The following ISCA1 variants were observed in gnomAD, a reference collection of about 807,000 sequenced individuals.
ISCA1 encodes the protein iron-sulfur cluster assembly 1 homolog, mitochondrial.
In ISCA1, 9 loss-of-function variants were observed where a neutral mutation model predicts 14.7. The observed-to-expected ratio is 0.61, with a 90% confidence interval of 0.37 to 1.07. ISCA1 has a LOEUF of 1.07. Ranked by LOEUF, ISCA1 falls within the 50% of genes least tolerant of loss-of-function variation. ISCA1 has a pLI of 0.01. For synonymous variants in ISCA1, 38 were observed against 54.3 expected, an observed-to-expected ratio of 0.70 and a Z score of 1.32; for missense variants, 102 against 150.1, an observed-to-expected ratio of 0.68 and a Z score of 1.67.
chr9:86,271,722 T>C (rs1476704219), intron 3 of ISCA1, among the ~76,000 whole-genome samples: 4 of 152,184 alleles, frequency 2.6e-5, no homozygotes, highest in Non-Finnish European at 5.9e-5. Context: ...CTAAGAGCAG[T>C]CTCTGGAAAG....
Position 86,265,728 on chromosome 9 carries a change from C to A in ISCA1, c.*315G>T. ...GAGAAATGCTGAGGGATGATCAAGC[C>A]ATCAATAGCGATCTAAGGAGTGCAC... On this transcript the variant is annotated 3_prime_UTR_variant, in exon 4 of 4. Coordinates refer to ENST00000375991, the MANE Select transcript of ISCA1 (RefSeq NM_030940.4). 2.8e-6 allele frequency: 1 copy of A among 357,582 alleles called. No individual in the cohort carries two copies. The allele number at this position is 357,582 out of a possible 1,614,324, so 22.2% of individuals were successfully genotyped here.
intron 2 of ISCA1, among the ~76,000 whole-genome samples, chr9:86,273,819 G>A (rs1297692096): frequency 2.0e-5 from 3 of 152,096 alleles, no homozygotes; most frequent in Admixed American, 2.0e-4. Flanking sequence ...GCAAAGAGGG[G>A]GTACTACTGG....
intron 3 of ISCA1, among the ~76,000 whole-genome samples, chr9:86,271,286 G>A (rs551723422): frequency 1.3e-5 from 2 of 152,164 alleles, no homozygotes; most frequent in Admixed American, 1.3e-4. Context: ...CTAGGTTTGT[G>A]TAAGTACACC....
intron 3 of ISCA1, among the ~76,000 whole-genome samples, chr9:86,271,789 TTTC>T (rs1227100245): frequency 2.0e-5 from 3 of 152,166 alleles, no homozygotes; most frequent in Non-Finnish European, 2.9e-5. Context: ...TGTGCCTCAG[TTTC>T]TTCATCAGAA....
chr9:86,269,863 T>C (rs1036954657), intron 3 of ISCA1, among the ~76,000 whole-genome samples: 118 of 152,298 alleles, frequency 7.7e-4, no homozygotes, highest in Non-Finnish European at 1.2e-3. Context: ...ATTTAATAAA[T>C]GGTGCTGGGA....
At chr9:86,266,450 G>T (rs546469271) in intron 3 of ISCA1, among the ~76,000 whole-genome samples, 1 of 152,164 alleles carries the variant, frequency 6.6e-6, no homozygotes, top group East Asian at 1.9e-4. Flanking sequence ...TGCAAAATTA[G>T]AATTTACCTT....
chr9:86,280,357 G>C (rs1825494324), intron 1 of ISCA1, among the ~76,000 whole-genome samples: 1 of 151,990 alleles, frequency 6.6e-6, no homozygotes, highest in African/African-American at 2.4e-5. Flanking sequence ...AGGCTGAGAC[G>C]AGTGGATCAC....
Position 86,265,917 on chromosome 9 carries a change from C to T in ISCA1, c.*126G>A. ...ATATCATTTCTTCTGGAATCCAACA[C>T]ACTGGATTCATTTTCAAGATGTATC... On this transcript the variant is annotated 3_prime_UTR_variant, in exon 4 of 4. Coordinates refer to ENST00000375991, the MANE Select transcript of ISCA1 (RefSeq NM_030940.4). 2.1e-6 allele frequency: 3 copies of T among 1,401,700 alleles called. No individual in the cohort carries two copies. The highest frequency in any genetic ancestry group is 2.0e-6 in the Non-Finnish European group (2 of 988,768). 86.8% of individuals were successfully genotyped at this position (1,401,700 alleles called of 1,614,324 possible).
At chr9:86,278,866 TTAAA>T (rs1264736109) in intron 1 of ISCA1, among the ~76,000 whole-genome samples, 18 of 152,180 alleles carry the variant, frequency 1.2e-4, no homozygotes, top group African/African-American at 4.1e-4. Context: ...GTATTAAAGA[TTAAA>T]TAATTTGCAC....
rs951095742 is a variant in ISCA1 at position 86,272,244 on chromosome 9, A to T, written c.136-132T>A. On this transcript the variant is annotated intron_variant, in intron 2 of 3. Transcript: ENST00000375991. ...ATTTTTTGTAGGACAGGGTCTCACTATGTAGCCCAGACTGGTCTCAAACTC... is the reference window on the plus strand; with the variant it reads ...ATTTTTTGTAGGACAGGGTCTCACTTTGTAGCCCAGACTGGTCTCAAACTC... 1.0e-5 allele frequency: 7 copies of T among 667,292 alleles called. No homozygotes were observed. The African/African-American group carries it at 1.3e-4, about 12-fold the overall frequency. 41.3% of individuals were successfully genotyped at this position (667,292 alleles called of 1,614,324 possible).
chr9:86,273,466 T>C (rs1825399943), intron 2 of ISCA1, among the ~76,000 whole-genome samples: 1 of 152,090 alleles, frequency 6.6e-6, no homozygotes, highest in South Asian at 2.1e-4. Flanking sequence ...CCCTTTAATA[T>C]GGGGACTGGT....
intron 3 of ISCA1, 137 bp from the exon 4 acceptor site, chr9:86,266,328 T>G: frequency 7.5e-7 from 1 of 1,330,952 alleles, no homozygotes; most frequent in Non-Finnish European, 1.0e-6. Flanking sequence ...AATTATTTCC[T>G]TAAGGAATTA....
chr9:86,271,286 G>C (rs551723422), intron 3 of ISCA1, among the ~76,000 whole-genome samples: 2 of 152,046 alleles, frequency 1.3e-5, no homozygotes, highest in Non-Finnish European at 2.9e-5. Flanking sequence ...CTAGGTTTGT[G>C]TAAGTACACC....
Position 86,266,040 on chromosome 9 carries a change from A to G in ISCA1, c.*3T>C. 6.2e-7 allele frequency: 1 copy of G among 1,611,858 alleles called. No individual in the cohort carries two copies. Among genetic ancestry groups the G allele is most frequent in the Non-Finnish European group, 8.5e-7 (1 of 1,179,804 alleles). ...AACCTACGGCCAGAAGAGTCCTGAG[A>G]TTTCAAATATTAAAGCTTTCTCCAC... On this transcript the variant is annotated 3_prime_UTR_variant, in exon 4 of 4. Coordinates refer to ENST00000375991, the MANE Select transcript of ISCA1 (RefSeq NM_030940.4).
intron 3 of ISCA1, among the ~76,000 whole-genome samples, chr9:86,268,362 G>A (rs750898832): frequency 2.1e-5 from 3 of 139,810 alleles, no homozygotes; most frequent in South Asian, 4.7e-4. Flanking sequence ...TAAAAATAGA[G>A]AAAAGCTTAT....
chr9:86,274,504 T>C (rs1293655450), intron 1 of ISCA1, among the ~76,000 whole-genome samples: 1 of 152,206 alleles, frequency 6.6e-6, no homozygotes, highest in African/African-American at 2.4e-5. Flanking sequence ...CTTCTCTCTA[T>C]GGTGCTATTC....
intron 3 of ISCA1, among the ~76,000 whole-genome samples, chr9:86,269,364 T>G (rs1262397823): frequency 6.6e-6 from 1 of 152,118 alleles, no homozygotes; most frequent in Non-Finnish European, 1.5e-5. Context: ...AATAAAATAC[T>G]TAGGAATCCA....
At chr9:86,280,971 AAAAC>A (rs1564011056) in intron 1 of ISCA1, among the ~76,000 whole-genome samples, 1 of 124,812 alleles carries the variant, frequency 8.0e-6, no homozygotes, top group African/African-American at 4.4e-5. Context: ...CAAAAAACAA[AAAAC>A]AAAAAACCCA....
At chr9:86,271,831 T>C (rs1312684239) in intron 3 of ISCA1, among the ~76,000 whole-genome samples, 176 bp downstream of exon 3, 1 of 152,226 alleles carries the variant, frequency 6.6e-6, no homozygotes, top group Non-Finnish European at 1.5e-5. Context: ...ACCACCCACA[T>C]TCAGCATTGT....
Sources: allele counts gnomAD v4.1 joint callset (sites outside exome capture counted in the v4.1 genomes callset), GRCh38; gene constraint gnomAD v4.1.1; transcripts MANE v1.5; gene names NCBI Gene and HGNC (gene_info 2026-07-23, HGNC 2026-07-21).